Variants in EXOC4 observed in about 807,000 individuals in gnomAD.
EXOC4 encodes the protein SEC8-like 1.
A neutral mutation model predicts 107.2 loss-of-function variants in EXOC4; 71 were observed. That is an observed-to-expected ratio of 0.66 (90% CI 0.55 to 0.81). The LOEUF (loss-of-function observed/expected upper bound fraction) is 0.81. Among genes scored for constraint, EXOC4 ranks in the 30% least tolerant of loss-of-function variants. The pLI is 0.00. For synonymous variants in EXOC4, 456 were observed against 441.2 expected (o/e 1.03, Z -0.42); for missense variants, 1,108 against 1,189.6 (o/e 0.93, Z 1.01).
intron 7 of EXOC4, among the ~76,000 whole-genome samples, chr7:133,465,028 C>G (rs1407346397): frequency 6.6e-6 from 1 of 151,650 alleles, no homozygotes; most frequent in East Asian, 1.9e-4. Flanking sequence ...TGCTGTTACC[C>G]AGGCTGGTCT....
intron 16 of EXOC4, 73 bp from the exon 17 acceptor site, chr7:134,007,603 T>G: frequency 7.1e-7 from 1 of 1,403,792 alleles, no homozygotes. Context: ...AGCAATTCTG[T>G]GTGCAAGTTT....
At chr7:134,000,793 C>T (rs1563086564) in intron 15 of EXOC4, among the ~76,000 whole-genome samples, 2 of 151,986 alleles carry the variant, frequency 1.3e-5, no homozygotes, top group East Asian at 3.9e-4. Context: ...GCACTTTTAG[C>T]CAAGAAACCA....
intron 11 of EXOC4, among the ~76,000 whole-genome samples, chr7:133,855,314 G>A (rs149938079): frequency 1.2e-3 from 177 of 150,810 alleles, no homozygotes; most frequent in Non-Finnish European, 1.9e-3. Context: ...ACCAGAAAAC[G>A]AACTTAGTTC....
At chr7:134,029,984 C>T (rs918010604) in intron 17 of EXOC4, among the ~76,000 whole-genome samples, 8 of 152,174 alleles carry the variant, frequency 5.3e-5, no homozygotes, top group African/African-American at 1.7e-4. Flanking sequence ...AAGTCACTTG[C>T]TTGAGGTTAT....
At chr7:133,935,863 TC>T (rs1197303583) in intron 13 of EXOC4, among the ~76,000 whole-genome samples, 14 of 152,174 alleles carry the variant, frequency 9.2e-5, no homozygotes, top group Non-Finnish European at 2.1e-4. Context: ...CTTTCTACTT[TC>T]ATAATTATTG....
chr7:134,036,943 T>A (rs1795403979), intron 17 of EXOC4, among the ~76,000 whole-genome samples: 1 of 152,156 alleles, frequency 6.6e-6, no homozygotes, highest in Non-Finnish European at 1.5e-5. Flanking sequence ...AAAATGAAAC[T>A]GCAAGTAAAA....
intron 10 of EXOC4, among the ~76,000 whole-genome samples, chr7:133,749,965 T>G (rs1317806084): frequency 1.4e-5 from 2 of 145,356 alleles, no homozygotes; most frequent in East Asian, 4.0e-4. Context: ...GTTTTTTTTT[T>G]TTTTTTTTTT....
chr7:133,771,644 A>C (rs1796246151), intron 10 of EXOC4, among the ~76,000 whole-genome samples: 1 of 152,034 alleles, frequency 6.6e-6, no homozygotes, highest in African/African-American at 2.4e-5. Context: ...ATGGTTGTTT[A>C]GGAATAATTG....
At chr7:134,065,881 C>T (rs577006764), downstream of EXOC4, 1 of 152,322 alleles carries the variant, frequency 6.6e-6, no homozygotes, top group African/African-American at 2.4e-5. Context: ...CCCTTATTAT[C>T]TAAGAGTGTG....
chr7:133,980,300 G>A (rs1585297116), intron 14 of EXOC4, among the ~76,000 whole-genome samples: 1 of 152,226 alleles, frequency 6.6e-6, no homozygotes, highest in South Asian at 2.1e-4. Context: ...GAGAGGATGA[G>A]TCTAGGAATC....
intron 6 of EXOC4, among the ~76,000 whole-genome samples, chr7:133,364,929 C>T (rs1488031702): frequency 6.6e-6 from 1 of 152,116 alleles, no homozygotes; most frequent in Non-Finnish European, 1.5e-5. Flanking sequence ...TGTAAGTTTG[C>T]TTTCTGGCTT....
intron 13 of EXOC4, among the ~76,000 whole-genome samples, chr7:133,921,165 A>T (rs544822680): frequency 1.3e-5 from 2 of 152,326 alleles, no homozygotes; most frequent in African/African-American, 2.4e-5. Flanking sequence ...AGTGTAAGTC[A>T]TGGAGTCTGA....
At chr7:133,805,481 A>G (rs1797053319) in intron 10 of EXOC4, among the ~76,000 whole-genome samples, 1 of 152,202 alleles carries the variant, frequency 6.6e-6, no homozygotes, top group South Asian at 2.1e-4. Flanking sequence ...CTACATGAAA[A>G]AGACATGTTC....
At chr7:133,905,169 T>C (rs1220888022) in intron 12 of EXOC4, among the ~76,000 whole-genome samples, 1 of 152,122 alleles carries the variant, frequency 6.6e-6, no homozygotes, top group Non-Finnish European at 1.5e-5. Context: ...AAACTCACAA[T>C]GCCCTCTGCT....
At chr7:133,736,223 A>G (rs1045256501) in intron 10 of EXOC4, among the ~76,000 whole-genome samples, 3 of 152,204 alleles carry the variant, frequency 2.0e-5, no homozygotes, top group African/African-American at 7.2e-5. Flanking sequence ...TTCTACCCCA[A>G]GTTTATCCAA....
chr7:133,774,366 T>C (rs549674820), intron 10 of EXOC4, among the ~76,000 whole-genome samples: 65 of 152,142 alleles, frequency 4.3e-4, no homozygotes, highest in African/African-American at 1.4e-3. Flanking sequence ...CAGTAGGAAG[T>C]AGAATGACAT....
In EXOC4 at chr7:133,302,350, T is replaced by C. The variant is rs111293879; in HGVS notation, c.472-3527T>C. On this transcript the variant is annotated intron_variant, in intron 3 of 17. Transcript: ENST00000253861. ...GTTTCCAACTGTGTTGACTAGAACA[T>C]TAATATTCTGTTAGATGGTAATAGG... Among the ~76,000 whole-genome samples, 56 of 152,324 alleles carry C rather than the reference T, an allele frequency of 3.7e-4. 1 individual carries two copies. The highest frequency in any genetic ancestry group is 6.8e-4 in the Non-Finnish European group (46 of 68,008).
intron 10 of EXOC4, among the ~76,000 whole-genome samples, chr7:133,630,980 C>CTAGAGATCTGTTACATAACCATG (rs1563133304): frequency 6.6e-6 from 1 of 152,110 alleles, no homozygotes; most frequent in Non-Finnish European, 1.5e-5. Context: ...TAAAAAAGTT[C>CTAGAGATCTGTTACATAACCATG]TAGAGATCTG....
At chr7:134,005,135 A>G (rs768153356) in intron 16 of EXOC4, 45 bp downstream of exon 16, 2 of 1,560,058 alleles carry the variant, frequency 1.3e-6, no homozygotes, top group Non-Finnish European at 1.7e-6. Flanking sequence ...GGAAGAAAGG[A>G]TGAAAGTTTT....
Sources: gnomAD v4.1 joint callset for allele counts (sites outside exome capture counted in the v4.1 genomes callset) on GRCh38, gnomAD v4.1.1 for gene constraint, MANE v1.5 for transcripts, NCBI Gene and HGNC (gene_info 2026-07-23, HGNC 2026-07-21) for gene names.